METTL14: variants seen among roughly 807,000 people sequenced by gnomAD.
METTL14 encodes methyltransferase 14, N6-adenosine-methyltransferase non-catalytic subunit, also known as N(6)-adenosine-methyltransferase non-catalytic subunit METTL14.
A neutral mutation model predicts 62.4 loss-of-function variants in METTL14; 32 were observed. The ratio of observed to expected loss-of-function variants is 0.51; its 90% CI spans 0.39 to 0.69. The LOEUF (loss-of-function observed/expected upper bound fraction) is 0.69, where lower values mean the gene tolerates loss of function less well. Among genes scored for constraint, METTL14 ranks in the 30% least tolerant of loss-of-function variants. METTL14 has a pLI of 0.00. For synonymous variants in METTL14, 150 were observed against 180.0 expected, an observed-to-expected ratio of 0.83 and a Z score of 1.34; for missense variants, 340 against 551.9, an observed-to-expected ratio of 0.62 and a Z score of 3.85.
intron 8 of METTL14, among the ~76,000 whole-genome samples, chr4:118,703,486 T>G (rs6813357): frequency 0.3 from 45,687 of 152,154 alleles, 7,538 homozygotes; most frequent in Non-Finnish European, 0.37. Context: ...TAAGATTTTA[T>G]AAGACTCTCA....
In METTL14 at chr4:118,687,953, G is replaced by T; in HGVS notation, c.97G>T (p.Ala33Ser). 6.2e-7 allele frequency: 1 copy of T among 1,613,902 alleles called. No homozygotes were observed. The highest frequency in any genetic ancestry group is 8.5e-7 in the Non-Finnish European group (1 of 1,179,968). The part of the protein sequence containing the change: ...LGAESADSIG[A>S]VLNSKDEQRE... ...AGCTGAAAGTGCCGACAGCATTGGT[G>T]CCGTGTTAAATAGCAAAGATGAGCA... Residue 33 changes from alanine to serine, a missense_variant, in exon 2 of 11, where the codon GCC (alanine) becomes TCC (serine). Physicochemically the swap from Ala to Ser is moderately conservative, Grantham distance 99. Around this residue, in one of 7 missense-constraint regions of METTL14, gnomAD observed 111 missense variants for 116.6 expected, o/e 0.95. Transcript: ENST00000388822.
At chr4:118,696,724 T>C (rs781315264) in intron 6 of METTL14, among the ~76,000 whole-genome samples, 2 of 151,988 alleles carry the variant, frequency 1.3e-5, no homozygotes, top group African/African-American at 2.4e-5. Context: ...AAAAGAAAAC[T>C]ATATGAAAAC....
intron 2 of METTL14, among the ~76,000 whole-genome samples, chr4:118,688,583 T>G (rs1724148520): frequency 6.6e-6 from 1 of 152,194 alleles, no homozygotes; most frequent in Non-Finnish European, 1.5e-5. Flanking sequence ...AAAATATTTA[T>G]TTTCTGAGGA....
chr4:118,694,591 C>G (rs1724350544), intron 6 of METTL14, 65 bp downstream of exon 6: 1 of 1,194,516 alleles, frequency 8.4e-7, no homozygotes, highest in Non-Finnish European at 1.2e-6. Flanking sequence ...TTTGTTTATC[C>G]TATAACCTTT....
chr4:118,697,394 T>G, intron 7 of METTL14, 71 bp downstream of exon 7: 1 of 1,315,604 alleles, frequency 7.6e-7, no homozygotes, highest in Non-Finnish European at 1.0e-6. Context: ...GGTCAGAAAG[T>G]GAGATAATAA....
At chr4:118,700,675 A>C (rs1218752031) in intron 8 of METTL14, 33 bp downstream of exon 8, 5 of 1,463,482 alleles carry the variant, frequency 3.4e-6, no homozygotes, top group Non-Finnish European at 2.8e-6. Context: ...TGGATTTTTA[A>C]ATTAATAAGA....
At chr4:118,690,453 C>T (rs2110465246) in intron 3 of METTL14, among the ~76,000 whole-genome samples, 1 of 151,968 alleles carries the variant, frequency 6.6e-6, no homozygotes, top group Non-Finnish European at 1.5e-5. Context: ...TCAAGATGTG[C>T]AGATCACTTG....
At chr4:118,693,147 ACTTACTATTAT>A (rs1327228850) in intron 5 of METTL14, among the ~76,000 whole-genome samples, 3 of 152,130 alleles carry the variant, frequency 2.0e-5, no homozygotes, top group Non-Finnish European at 4.4e-5. Context: ...CATCTTTGGC[ACTTACTATTAT>A]CTGTTTTTTA....
intron 5 of METTL14, 54 bp from the exon 6 acceptor site, chr4:118,694,382 C>A: frequency 7.1e-7 from 1 of 1,410,520 alleles, no homozygotes; most frequent in Non-Finnish European, 9.8e-7. Flanking sequence ...TTTTGAATTA[C>A]TGATATTAAC....
chr4:118,708,817 T>C (rs1724835049), intron 10 of METTL14, among the ~76,000 whole-genome samples: 1 of 152,184 alleles, frequency 6.6e-6, no homozygotes, highest in South Asian at 2.1e-4. Context: ...TAATGCTGTG[T>C]CTCTTATAAT....
chr4:118,705,507 C>T, intron 9 of METTL14, 104 bp from the exon 10 acceptor site: 2 of 936,038 alleles, frequency 2.1e-6, no homozygotes, highest in South Asian at 3.0e-5. Context: ...CCCAAAGATT[C>T]CGAGAAATGA....
chr4:118,706,423 T>A (rs1014565285), intron 10 of METTL14, among the ~76,000 whole-genome samples: 4 of 152,266 alleles, frequency 2.6e-5, no homozygotes, highest in African/African-American at 9.6e-5. Context: ...CATGGTTTGA[T>A]AGGTCATTTC....
At chr4:118,709,663 T>C (rs1374211757) in intron 10 of METTL14, among the ~76,000 whole-genome samples, 4 of 152,180 alleles carry the variant, frequency 2.6e-5, no homozygotes, top group African/African-American at 9.6e-5. Context: ...TTTACATAAA[T>C]AGGAAGATTA....
Position 118,685,745 on chromosome 4 carries a change from C to T in METTL14, c.66+145C>T, listed in dbSNP as rs73843456. 5.2e-3 allele frequency: 3,777 copies of T among 730,344 alleles called. 108 individuals carry two copies. In the African/African-American group the frequency reaches 0.058, roughly 11 times the overall value. 45.2% of individuals were successfully genotyped at this position (730,344 alleles called of 1,614,324 possible). ...GGTCCTGCGATCTTGATCCCTGGTT[C>T]TGCCTTTGTAGTTCTCAATTTTCGC... On this transcript the variant is annotated intron_variant, in intron 1 of 10. Coordinates refer to ENST00000388822, the MANE Select transcript of METTL14 (RefSeq NM_020961.4).
At chr4:118,706,403 C>T (rs1724757377) in intron 10 of METTL14, among the ~76,000 whole-genome samples, 4 of 152,168 alleles carry the variant, frequency 2.6e-5, no homozygotes, top group African/African-American at 7.2e-5. Flanking sequence ...AAGATTTCTC[C>T]ATTCCTTTTC....
At chr4:118,694,570 T>A in intron 6 of METTL14, 44 bp downstream of exon 6, 1 of 1,420,564 alleles carries the variant, frequency 7.0e-7, no homozygotes, top group Non-Finnish European at 9.9e-7. Context: ...AACTCAGGCT[T>A]AAAGTATCAG....
Position 118,692,044 on chromosome 4 carries a change from C to A in METTL14, c.388C>A (p.Pro130Thr). ...ACATTTTGTAGACACTGGACATAGA[C>A]CTCAGAATTTCATCAGGGATGTAGG... ...CQHFVDTGHR[P>T]QNFIRDVGLA... Residue 130 changes from proline to threonine, a missense_variant, in exon 5 of 11, where the codon CCT becomes ACT. Physicochemically the swap from Pro to Thr is conservative, Grantham distance 38. Around this residue, in one of 7 missense-constraint regions of METTL14, gnomAD observed 16 missense variants for 70.3 expected, o/e 0.23. Transcript: ENST00000388822. 5 of 1,610,070 alleles carry A rather than the reference C, an allele frequency of 3.1e-6. No homozygotes were observed. Among genetic ancestry groups the A allele is most frequent in the Non-Finnish European group, 3.4e-6 (4 of 1,177,712 alleles).
At chr4:118,702,173 G>A (rs1724614134) in intron 8 of METTL14, among the ~76,000 whole-genome samples, 1 of 145,384 alleles carries the variant, frequency 6.9e-6, no homozygotes. Context: ...ACGCTGGAGT[G>A]CAGTGGTGCG....
chr4:118,703,376 T>C (rs1030880514), intron 8 of METTL14, among the ~76,000 whole-genome samples: 1 of 152,188 alleles, frequency 6.6e-6, no homozygotes, highest in Non-Finnish European at 1.5e-5. Flanking sequence ...ATCTCTGTTT[T>C]CTAGATTATA....
Sources: gnomAD v4.1 joint callset for allele counts (sites outside exome capture counted in the v4.1 genomes callset) on GRCh38, gnomAD v4.1.1 for gene constraint, gnomAD v4.1.1 regional missense constraint, MANE v1.5 for transcripts, NCBI Gene and HGNC (gene_info 2026-07-23, HGNC 2026-07-21) for gene names.